BRWD1: variants seen among roughly 807,000 people sequenced by gnomAD.
BRWD1 encodes the protein bromodomain and WD repeat domain containing 1, also known as bromodomain and WD repeat-containing protein 1.
BRWD1 carries 82 observed loss-of-function variants against 251.2 expected under a neutral mutation model. That is an observed-to-expected ratio of 0.33 (90% CI 0.27 to 0.39). The LOEUF is 0.39. BRWD1 is among the 10% of genes least tolerant of loss of function. The pLI is 1.00. For missense variants in BRWD1, 2,233 were observed against 2,711.6 expected (o/e 0.82, Z 3.92); for synonymous variants, 918 against 902.8 (o/e 1.02, Z -0.30).
intron 40 of BRWD1, 31 bp from the exon 41 acceptor site, chr21:39,197,446 CT>C (rs2031881172): frequency 2.0e-6 from 3 of 1,488,256 alleles, no homozygotes; most frequent in African/African-American, 1.4e-5. Context: ...TTCTATTAAT[CT>C]TTTGTAAGTC....
intron 19 of BRWD1, among the ~76,000 whole-genome samples, chr21:39,252,234 A>G (rs922411661): frequency 4.7e-5 from 7 of 147,410 alleles, no homozygotes; most frequent in Non-Finnish European, 1.0e-4. Flanking sequence ...GGGCAACAAA[A>G]GCAGAACTCC....
In BRWD1 at chr21:39,190,775, G is replaced by A. The variant is rs1472650734; in HGVS notation, c.*5484C>T. The A allele has an allele frequency of 3.0e-6, 3 of 985,238 alleles. No homozygotes were observed. Among genetic ancestry groups the A allele is most frequent in the African/African-American group, 1.7e-5 (1 of 57,212 alleles). The allele number at this position is 985,238 out of a possible 1,614,324, so 61.0% of individuals were successfully genotyped here. A position where few individuals can be genotyped will look rare whatever the true frequency, so the allele number is the denominator to read the frequency against. ...TGTTTTTAAACAGTTCCGTTTTCTA[G>A]GGGGAGCTGGTAACACTGCAGTATG... is the stretch of plus-strand genomic sequence containing the variant. On this transcript the variant is annotated 3_prime_UTR_variant, in exon 41 of 41. Transcript: ENST00000342449.
intron 29 of BRWD1, among the ~76,000 whole-genome samples, chr21:39,220,577 G>A (rs986005337): frequency 2.0e-5 from 3 of 152,118 alleles, no homozygotes; most frequent in Non-Finnish European, 4.4e-5. Context: ...GACATAAAAT[G>A]TAAAATTATA....
At chr21:39,301,548 G>T (rs564198943) in intron 4 of BRWD1, among the ~76,000 whole-genome samples, 1 of 152,072 alleles carries the variant, frequency 6.6e-6, no homozygotes, top group South Asian at 2.1e-4. Context: ...TATTCCTCCC[G>T]TCAAGCCTTC....
At chr21:39,282,466 A>G (rs1437837069) in intron 8 of BRWD1, among the ~76,000 whole-genome samples, 1 of 152,248 alleles carries the variant, frequency 6.6e-6, no homozygotes, top group Admixed American at 6.5e-5. Flanking sequence ...AAAAAGTAGT[A>G]TAATTAAAGT....
At chr21:39,301,888 G>T (rs2036124000) in intron 4 of BRWD1, among the ~76,000 whole-genome samples, 1 of 124,214 alleles carries the variant, frequency 8.1e-6, no homozygotes, top group Non-Finnish European at 1.7e-5. Context: ...CATCTTTACT[G>T]TGCCGAAAAA....
chr21:39,312,621 TCCGCCCCGCGCCGCC>T, intron 4 of BRWD1: 1 of 378,882 alleles, frequency 2.6e-6, no homozygotes, highest in Non-Finnish European at 4.9e-6. Context: ...CCCCCACCGC[TCCGCCCCGCGCCGCC>T]CCCAATGACT....
At chr21:39,209,050 G>C (rs1341516150) in intron 36 of BRWD1, among the ~76,000 whole-genome samples, 1 of 151,112 alleles carries the variant, frequency 6.6e-6, no homozygotes, top group South Asian at 2.1e-4. Context: ...TATGAGATAA[G>C]AAGAACTGGC....
intron 20 of BRWD1, among the ~76,000 whole-genome samples, chr21:39,248,573 C>T (rs935931254): frequency 1.4e-5 from 2 of 143,004 alleles, no homozygotes; most frequent in African/African-American, 5.3e-5. Context: ...AGGAGGTTGA[C>T]GCTGCAGTGA....
chr21:39,275,370 C>T (rs1249611250), intron 12 of BRWD1, among the ~76,000 whole-genome samples: 1 of 152,028 alleles, frequency 6.6e-6, no homozygotes, highest in African/African-American at 2.4e-5. Flanking sequence ...GATCCTTACA[C>T]ATAATTTTTT....
chr21:39,278,701 T>TAAA (rs111898109), intron 10 of BRWD1, 42 bp downstream of exon 10: 41 of 1,093,418 alleles, frequency 3.7e-5, no homozygotes, highest in South Asian at 1.6e-4. Flanking sequence ...AATAGATGTT[T>TAAA]AAAAAAAAAA....
rs56801824 is a variant in BRWD1 at position 39,244,921 on chromosome 21, A to AATATATATATATATATATATATATATAT, written c.2481+2779_2481+2780insATATATATATATATATATATATATATAT. Among the ~76,000 whole-genome samples, 536 of 112,256 alleles carry AATATATATATATATATATATATATATAT rather than the reference A, an allele frequency of 4.8e-3. 10 individuals are homozygous for AATATATATATATATATATATATATATAT. Among genetic ancestry groups the AATATATATATATATATATATATATATAT allele is most frequent in the Non-Finnish European group, 7.0e-3 (367 of 52,788 alleles). The allele number at this position is 112,256 out of a possible 152,430, so 73.6% of individuals were successfully genotyped here. The stretch of plus-strand genomic sequence containing the variant: ...AGTTACATATAGAAACTTTGGAAGA[A>AATATATATATATATATATATATATATAT]ATATATATATATATATATATATATG... On this transcript the variant is annotated intron_variant, in intron 21 of 40. Coordinates refer to ENST00000342449, the MANE Select transcript of BRWD1 (RefSeq NM_033656.4).
At position 39,223,256 on chromosome 21, in the gene BRWD1, AT is replaced by A. The variant is rs924860804; in HGVS notation, c.3382+1151del. On this transcript the variant is annotated intron_variant, in intron 29 of 40. Transcript: ENST00000342449. ...TAGGTATTCAGAAAATCCTTGTACT[AT>A]TTTTTTTAACTTTTTTTAAGTCTGA... Among the ~76,000 whole-genome samples the A allele has an allele frequency of 3.5e-4, 53 of 152,120 alleles. 2 individuals carry two copies. The highest frequency in any genetic ancestry group is 1.7e-3 in the East Asian group (9 of 5,178).
Position 39,188,241 on chromosome 21 carries a change from C to T in BRWD1, c.*8018G>A. On this transcript the variant is annotated 3_prime_UTR_variant, in exon 41 of 41. Coordinates refer to ENST00000342449, the MANE Select transcript of BRWD1 (RefSeq NM_033656.4). ...CTTGAATTTTAGGTCTTTCTTGCAG[C>T]CATGAACAGTCAAACTATCTAAAAC... is the stretch of plus-strand genomic sequence containing the variant. 3.0e-6 allele frequency: 3 copies of T among 985,374 alleles called. No homozygotes were observed. The highest frequency in any genetic ancestry group is 3.6e-6 in the Non-Finnish European group (3 of 829,912). The allele number at this position is 985,374 out of a possible 1,614,324, so 61.0% of individuals were successfully genotyped here. A position where few individuals can be genotyped will look rare whatever the true frequency, so the allele number is the denominator to read the frequency against.
At chr21:39,199,860 C>A (rs1293016850) in intron 39 of BRWD1, among the ~76,000 whole-genome samples, 198 bp from the exon 40 acceptor site, 1 of 152,158 alleles carries the variant, frequency 6.6e-6, no homozygotes, top group Non-Finnish European at 1.5e-5. Context: ...AAGCGATTCT[C>A]CTACCTCAGC....
At position 39,313,612 on chromosome 21, in the gene BRWD1, GC is replaced by G. The variant is rs869249836; in HGVS notation, c.-122del. 1.3e-6 allele frequency: 1 copy of G among 776,046 alleles called. No homozygotes were observed. The highest frequency in any genetic ancestry group is 1.7e-6 in the Non-Finnish European group (1 of 576,544). 48.1% of individuals were successfully genotyped at this position (776,046 alleles called of 1,614,324 possible). A position where few individuals can be genotyped will look rare whatever the true frequency, so the allele number is the denominator to read the frequency against. ...GCGCGCCGCCGCCGCCGCCGCCGCC[GC>G]CATACCGTGCGCGCCGCCTGGACCG... On this transcript the variant is annotated 5_prime_UTR_variant, in exon 1 of 41. It removes the in-frame stop codon of an upstream open reading frame in the 5' UTR. Transcript: ENST00000342449.
At chr21:39,222,440 G>T (rs546902625) in intron 29 of BRWD1, among the ~76,000 whole-genome samples, 1 of 152,304 alleles carries the variant, frequency 6.6e-6, no homozygotes, top group East Asian at 1.9e-4. Context: ...GGTAAGGAAA[G>T]TACAAGGTGA....
Position 39,211,085 on chromosome 21 carries a change from T to A in BRWD1, c.3901-156A>T, listed in dbSNP as rs569830853. Reference sequence around the variant, plus strand: ...AGAAATGAAATTTTTAAACTATGCATGAAACGTAAGTTATTTTCATATAAC... The same window carrying A: ...AGAAATGAAATTTTTAAACTATGCAAGAAACGTAAGTTATTTTCATATAAC... On this transcript the variant is annotated intron_variant, in intron 34 of 40. Transcript: ENST00000342449. Among the ~76,000 whole-genome samples the A allele has an allele frequency of 7.9e-5, 12 of 152,328 alleles. No homozygotes were observed. The South Asian group carries it at 8.3e-4, about 11-fold the overall frequency.
Position 39,252,500 on chromosome 21 carries a change from T to G in BRWD1, c.2256-1611A>C, listed in dbSNP as rs138218358. Among the ~76,000 whole-genome samples the G allele has an allele frequency of 1.0e-2, 1,522 of 152,316 alleles. 22 individuals are homozygous for G. Among genetic ancestry groups the G allele is most frequent in the Non-Finnish European group, 0.01 (707 of 68,022 alleles). ...TACTCTTCATCCTTATCAAATGATA[T>G]CCTAACATACAGTTATGAAAAATTC... On this transcript the variant is annotated intron_variant, in intron 19 of 40. Transcript: ENST00000342449.
Sources: gnomAD v4.1 joint callset for allele counts (sites outside exome capture counted in the v4.1 genomes callset) on GRCh38, gnomAD v4.1.1 for gene constraint, MANE v1.5 for transcripts, NCBI Gene and HGNC (gene_info 2026-07-23, HGNC 2026-07-21) for gene names.